The following CHN2 variants were observed in gnomAD, a reference collection of about 807,000 sequenced individuals.
CHN2 encodes chimerin 2, also known as beta-chimaerin.
A neutral mutation model predicts 56.3 loss-of-function variants in CHN2; 35 were observed. That is an observed-to-expected ratio of 0.62 (90% CI 0.47 to 0.82). The LOEUF (loss-of-function observed/expected upper bound fraction) is 0.82. Ranked by LOEUF, CHN2 falls within the 40% of genes least tolerant of loss-of-function variation. CHN2 has a pLI of 0.00. For missense variants in CHN2, 491 were observed against 580.5 expected (o/e 0.85, Z 1.58); for synonymous variants, 210 against 212.8 (o/e 0.99, Z 0.12).
intron 6 of CHN2, among the ~76,000 whole-genome samples, chr7:29,423,250 G>T (rs1019456856): frequency 6.6e-6 from 1 of 152,152 alleles, no homozygotes; most frequent in Non-Finnish European, 1.5e-5. Flanking sequence ...ACAATCAGTG[G>T]GTGCTGGAAT....
At chr7:29,386,641 CTG>C (rs1418027205) in intron 3 of CHN2, among the ~76,000 whole-genome samples, 7 of 152,170 alleles carry the variant, frequency 4.6e-5, no homozygotes, top group African/African-American at 1.7e-4. Flanking sequence ...CTGTCTCTCA[CTG>C]TGCAGCTGTC....
intron 1 of CHN2, among the ~76,000 whole-genome samples, chr7:29,239,061 A>G (rs1449645745): frequency 6.6e-6 from 1 of 152,128 alleles, no homozygotes; most frequent in Non-Finnish European, 1.5e-5. Context: ...TTTTCATATG[A>G]TCGGTCTGGC....
At chr7:29,193,258 A>C (rs896407497), upstream of CHN2, 1 of 148,262 alleles carries the variant, frequency 6.7e-6, no homozygotes. Flanking sequence ...TCCTGGAGGG[A>C]TTTTTTTTTT....
chr7:29,186,873 G>C lies in CHN2; in HGVS notation c.274+39913G>C, dbSNP rs527266710. 2.8e-3 allele frequency among the ~76,000 whole-genome samples: 418 copies of C among 151,790 alleles called. 3 individuals are homozygous for C. The highest frequency in any genetic ancestry group is 4.0e-3 in the Non-Finnish European group (271 of 67,920). On this transcript the variant is annotated intron_variant, in intron 2 of 6. Transcript: ENST00000439384. ...GATAAATTACTTACCCTAATTTTTT[G>C]TTTTCTTAACCAAAAAGAGCAGGGA...
chr7:29,454,343 A>AT (rs5883211), intron 6 of CHN2, among the ~76,000 whole-genome samples: 40,268 of 152,028 alleles, frequency 0.26, 5,624 homozygotes, highest in African/African-American at 0.36. Context: ...GCTGTTACAT[A>AT]TCAGGGAATT....
chr7:29,487,206 GTTTT>G (rs11397455), intron 7 of CHN2, among the ~76,000 whole-genome samples: 2 of 148,976 alleles, frequency 1.3e-5, no homozygotes, highest in Non-Finnish European at 3.0e-5. Context: ...GGCTTGTTTT[GTTTT>G]TTTTTTGTTT....
intron 1 of CHN2, among the ~76,000 whole-genome samples, chr7:29,314,105 A>G (rs1180836417): frequency 6.6e-6 from 1 of 152,244 alleles, no homozygotes; most frequent in Non-Finnish European, 1.5e-5. Flanking sequence ...TTTGTACACC[A>G]TGCTACAGTA....
chr7:29,264,883 A>AC (rs1562875907), intron 1 of CHN2, among the ~76,000 whole-genome samples: 18 of 151,558 alleles, frequency 1.2e-4, no homozygotes, highest in Admixed American at 3.3e-4. Flanking sequence ...AAAAAAAAAA[A>AC]AACAAGTTAA....
chr7:29,184,767 A>G (rs532340723), intron 2 of CHN2, among the ~76,000 whole-genome samples: 7 of 152,328 alleles, frequency 4.6e-5, no homozygotes, highest in African/African-American at 1.4e-4. Flanking sequence ...ATGTTTGACC[A>G]CATACCTGGG....
intron 6 of CHN2, among the ~76,000 whole-genome samples, chr7:29,405,765 T>A (rs959309876): frequency 2.6e-5 from 4 of 152,150 alleles, no homozygotes; most frequent in Non-Finnish European, 5.9e-5. Context: ...TTTGTTTGTT[T>A]GTTTGTTTTT....
At chr7:29,435,187 A>T (rs1783131693) in intron 6 of CHN2, among the ~76,000 whole-genome samples, 2 of 152,242 alleles carry the variant, frequency 1.3e-5, no homozygotes. Flanking sequence ...CCATCTGTTC[A>T]TCAATTATTT....
chr7:29,176,738 A>G (rs1206253302), intron 2 of CHN2, among the ~76,000 whole-genome samples: 1 of 152,226 alleles, frequency 6.6e-6, no homozygotes, highest in Non-Finnish European at 1.5e-5. Flanking sequence ...GTATAAAACA[A>G]CAAATAATGG....
At chr7:29,223,620 G>T (rs866567100) in intron 1 of CHN2, among the ~76,000 whole-genome samples, 15 of 152,126 alleles carry the variant, frequency 9.9e-5, no homozygotes, top group Admixed American at 3.9e-4. Context: ...TTTTATTGCT[G>T]TAGGGGATTC....
intron 6 of CHN2, among the ~76,000 whole-genome samples, chr7:29,452,093 A>G (rs1034680843): frequency 2.0e-5 from 3 of 152,212 alleles, no homozygotes; most frequent in Non-Finnish European, 4.4e-5. Flanking sequence ...GCCTTCTTGA[A>G]GTTCTTAATA....
At chr7:29,342,123 G>A (rs10951218) in intron 1 of CHN2, among the ~76,000 whole-genome samples, 100,858 of 151,632 alleles carry the variant, frequency 0.67, 34,849 homozygotes, top group Middle Eastern at 0.78. Context: ...TGCGTTGGTC[G>A]CAGCTATATC....
chr7:29,335,275 T>C (rs986186536), intron 1 of CHN2, among the ~76,000 whole-genome samples: 2 of 152,166 alleles, frequency 1.3e-5, no homozygotes. Context: ...ATAGAACCAA[T>C]TCCTGAAAAG....
At chr7:29,443,075 G>A (rs1169561617) in intron 6 of CHN2, among the ~76,000 whole-genome samples, 3 of 150,138 alleles carry the variant, frequency 2.0e-5, no homozygotes, top group African/African-American at 4.9e-5. Flanking sequence ...CGAGTAGCTG[G>A]GACTACAGGC....
intron 1 of CHN2, among the ~76,000 whole-genome samples, chr7:29,291,737 T>A (rs1792647313): frequency 6.6e-6 from 1 of 152,102 alleles, no homozygotes; most frequent in Non-Finnish European, 1.5e-5. Context: ...TCCTTAATGT[T>A]TTTTTTAAGT....
At chr7:29,157,768 C>T (rs1794614569) in intron 2 of CHN2, among the ~76,000 whole-genome samples, 1 of 151,960 alleles carries the variant, frequency 6.6e-6, no homozygotes, top group Admixed American at 6.6e-5. Context: ...CATTTTTCTG[C>T]CAGAACAAAT....
Sources: allele counts gnomAD v4.1 joint callset (sites outside exome capture counted in the v4.1 genomes callset), GRCh38; gene constraint gnomAD v4.1.1; transcripts MANE v1.5; gene names NCBI Gene and HGNC (gene_info 2026-07-23, HGNC 2026-07-21).